The following PRKG1 variants were observed in gnomAD, a reference collection of about 807,000 sequenced individuals.
PRKG1 encodes the protein cGMP-dependent protein kinase 1.
A neutral mutation model predicts 88.1 loss-of-function variants in PRKG1; 35 were observed. The observed-to-expected ratio is 0.40, with a 90% confidence interval of 0.30 to 0.53. The LOEUF (loss-of-function observed/expected upper bound fraction) is 0.53, where lower values mean the gene tolerates loss of function less well. Ranked by LOEUF, PRKG1 falls within the 20% of genes least tolerant of loss-of-function variation. The probability of loss-of-function intolerance (pLI) is 0.59; values close to 1 mark genes in which losing one functional copy is unlikely to be tolerated. For missense variants in PRKG1, 540 were observed against 839.8 expected (o/e 0.64, Z 4.41); for synonymous variants, 303 against 292.5 (o/e 1.04, Z -0.37).
At chr10:51,428,543 C>T (rs1326361865) in intron 2 of PRKG1, among the ~76,000 whole-genome samples, 1 of 152,152 alleles carries the variant, frequency 6.6e-6, no homozygotes. Context: ...GGAAATTGGC[C>T]ATAGGCATAC....
intron 3 of PRKG1, among the ~76,000 whole-genome samples, chr10:51,588,420 TAAC>T (rs756399681): frequency 2.6e-5 from 4 of 152,196 alleles, no homozygotes; most frequent in Non-Finnish European, 5.9e-5. Flanking sequence ...CTAGAGATAA[TAAC>T]TCAAAGTCTG....
chr10:51,818,211 A>AT (rs1839642676), intron 4 of PRKG1, among the ~76,000 whole-genome samples: 1 of 152,180 alleles, frequency 6.6e-6, no homozygotes, highest in Non-Finnish European at 1.5e-5. Context: ...GTGCAAGGAG[A>AT]TTGGAGTCTC....
At chr10:51,075,917 T>C (rs543302098) in intron 1 of PRKG1, among the ~76,000 whole-genome samples, 14 of 152,170 alleles carry the variant, frequency 9.2e-5, no homozygotes, top group Non-Finnish European at 1.8e-4. Context: ...CATTTTAAAT[T>C]AATAGATAAT....
intron 5 of PRKG1, among the ~76,000 whole-genome samples, chr10:51,916,075 C>T (rs376667407): frequency 6.6e-5 from 10 of 152,110 alleles, no homozygotes; most frequent in African/African-American, 2.4e-4. Flanking sequence ...CATGGGGTTA[C>T]CGCGTTGTCA....
chr10:52,119,758 A>G lies in PRKG1; in HGVS notation c.936-14082A>G, dbSNP rs113319640. 8.5e-3 allele frequency among the ~76,000 whole-genome samples: 1,300 copies of G among 152,294 alleles called. 14 individuals carry two copies. Among genetic ancestry groups the G allele is most frequent in the African/African-American group, 0.026 (1,087 of 41,552 alleles). ...TATAAGTGAATACCACAGACCAGGT[A>G]TTTATAAAGAACAGGAATTTATTTT... is the stretch of plus-strand genomic sequence containing the variant. On this transcript the variant is annotated intron_variant, in intron 7 of 17. Transcript: ENST00000373980.
At chr10:51,307,406 C>G (rs1243311455) in intron 2 of PRKG1, among the ~76,000 whole-genome samples, 1 of 152,126 alleles carries the variant, frequency 6.6e-6, no homozygotes, top group Non-Finnish European at 1.5e-5. Flanking sequence ...CAGGATTTGA[C>G]TCCAAGATGA....
At chr10:51,117,763 T>G (rs1845163264) in intron 1 of PRKG1, among the ~76,000 whole-genome samples, 1 of 152,252 alleles carries the variant, frequency 6.6e-6, no homozygotes, top group East Asian at 1.9e-4. Context: ...CATACCTTAT[T>G]GATTCCTTAA....
At chr10:51,081,438 T>C (rs1361786512) in intron 1 of PRKG1, among the ~76,000 whole-genome samples, 1 of 152,078 alleles carries the variant, frequency 6.6e-6, no homozygotes, top group Non-Finnish European at 1.5e-5. Context: ...CAAATTAGAG[T>C]ATATCGAAGG....
chr10:52,113,147 G>A (rs1266145408), intron 7 of PRKG1, among the ~76,000 whole-genome samples: 1 of 152,114 alleles, frequency 6.6e-6, no homozygotes, highest in Non-Finnish European at 1.5e-5. Context: ...ACAGAAATTG[G>A]CACATGGTGA....
At chr10:51,286,767 T>C (rs1004097510) in intron 2 of PRKG1, among the ~76,000 whole-genome samples, 39 of 152,210 alleles carry the variant, frequency 2.6e-4, no homozygotes, top group Middle Eastern at 6.3e-3. Flanking sequence ...CCTACAGTGG[T>C]ATAGAACACT....
chr10:51,369,126 C>T (rs940875285), intron 2 of PRKG1, among the ~76,000 whole-genome samples: 1 of 152,104 alleles, frequency 6.6e-6, no homozygotes, highest in Non-Finnish European at 1.5e-5. Context: ...ACAATAAATG[C>T]CTGCCAATAG....
chr10:50,991,441 G>T lies in PRKG1; in HGVS notation c.63G>T (p.Glu21Asp). The T allele has an allele frequency of 6.3e-7, 1 of 1,597,932 alleles. No homozygotes were observed. The highest frequency in any genetic ancestry group is 1.7e-5 in the Admixed American group (1 of 57,528). The change falls in exon 1 of 18, where the codon GAG (glutamate) becomes GAT (aspartate). Residue 21 changes from glutamate (E) to aspartate (D), a missense_variant. By Grantham distance (45) the Glu-to-Asp change is conservative. Coordinates refer to the PRKG1 transcript ENST00000401604. This position sits in a 1 kb window ranked among gnomAD's most constrained non-coding sequence, Gnocchi z 4.5. The stretch of plus-strand genomic sequence containing the variant: ...TGCTCAAGGAGGAGAGGATCAAAGA[G>T]CTGGAGAAGCGGCTGTCAGAGAAGG...
At chr10:51,301,040 A>C (rs1416374480) in intron 2 of PRKG1, among the ~76,000 whole-genome samples, 1 of 152,154 alleles carries the variant, frequency 6.6e-6, no homozygotes, top group East Asian at 1.9e-4. Context: ...TTCTCATGCC[A>C]GTTAACTCTC....
intron 2 of PRKG1, among the ~76,000 whole-genome samples, chr10:51,242,613 A>G (rs1241335440): frequency 6.6e-6 from 1 of 152,184 alleles, no homozygotes; most frequent in Non-Finnish European, 1.5e-5. Flanking sequence ...GGGTAAAACA[A>G]ACATTAGACA....
intron 3 of PRKG1, among the ~76,000 whole-genome samples, chr10:51,594,111 A>T (rs1488188596): frequency 6.6e-6 from 1 of 152,078 alleles, no homozygotes; most frequent in East Asian, 1.9e-4. Context: ...TGCAGTCTCA[A>T]ACTCCTGGGC....
rs35009632 is a variant in PRKG1, at chr10:52,006,100, C to CAA, written c.763-48377_763-48376dup. On this transcript the variant is annotated intron_variant, in intron 5 of 17. Transcript: ENST00000373980. ...AAAGAAAACAAAACAAACAAACAAACAAAAAAAACAAGTCTATCAAAAAGA... is the reference window on the plus strand; with the variant it reads ...AAAGAAAACAAAACAAACAAACAAACAAAAAAAAAACAAGTCTATCAAAAAGA... Among the ~76,000 whole-genome samples, 104 of 150,198 alleles carry CAA rather than the reference C, an allele frequency of 6.9e-4. 1 individual carries two copies. Among genetic ancestry groups the CAA allele is most frequent in the South Asian group, 4.8e-3 (23 of 4,794 alleles).
At chr10:52,180,512 A>G (rs539126606) in intron 9 of PRKG1, among the ~76,000 whole-genome samples, 1 of 152,042 alleles carries the variant, frequency 6.6e-6, no homozygotes, top group Middle Eastern at 3.2e-3. Flanking sequence ...TTCCAATTTT[A>G]TTGTATAGGT....
At chr10:51,600,776 A>AT (rs1450341833) in intron 3 of PRKG1, among the ~76,000 whole-genome samples, 1 of 152,156 alleles carries the variant, frequency 6.6e-6, no homozygotes, top group Non-Finnish European at 1.5e-5. Flanking sequence ...TGGCTACCAT[A>AT]TTAGACATAT....
chr10:51,379,406 G>A (rs1842876488), intron 2 of PRKG1, among the ~76,000 whole-genome samples: 3 of 152,130 alleles, frequency 2.0e-5, no homozygotes, highest in Non-Finnish European at 4.4e-5. Context: ...CCCTTTTATA[G>A]ATGAGGAAAC....
Sources: allele counts gnomAD v4.1 joint callset (sites outside exome capture counted in the v4.1 genomes callset), GRCh38; gene constraint gnomAD v4.1.1; non-coding constraint Gnocchi (gnomAD v3.1); transcripts MANE v1.5; gene names NCBI Gene and HGNC (gene_info 2026-07-23, HGNC 2026-07-21).